Variants in ATP2C2 observed in about 807,000 individuals in gnomAD.
The protein encoded by ATP2C2 is ATPase secretory pathway Ca2+ transporting 2, also known as calcium-transporting ATPase type 2C member 2.
ATP2C2 carries 171 observed loss-of-function variants against 110.8 expected under a neutral mutation model. That is an observed-to-expected ratio of 1.54 (90% CI 1.36 to 1.75). The LOEUF (loss-of-function observed/expected upper bound fraction) is 1.75, where lower values mean the gene tolerates loss of function less well. ATP2C2 is among the 40% of genes most tolerant of loss of function. The pLI, the probability that ATP2C2 is intolerant of heterozygous loss-of-function variation, is 0.00. For synonymous variants in ATP2C2, 804 were observed against 508.4 expected (o/e 1.58, Z -7.82); for missense variants, 1,963 against 1,235.0 (o/e 1.59, Z -8.84).
chr16:84,452,134 C>T lies in ATP2C2; in HGVS notation c.1831+43C>T, dbSNP rs761454778. On this transcript the variant is annotated intron_variant, in intron 18 of 26. Coordinates refer to ENST00000262429, the MANE Select transcript of ATP2C2 (RefSeq NM_014861.4). ...GGGGGTGAGGACGAAAGGACCCATC[C>T]ATCCTTTACGATGGGGGGCTGCTAC... 7 of 1,606,080 alleles carry T rather than the reference C, an allele frequency of 4.4e-6. No individual in the cohort carries two copies. In the South Asian group the frequency reaches 7.7e-5, roughly 18 times the overall value.
At chr16:84,432,746 C>T (rs972265786) in intron 11 of ATP2C2, among the ~76,000 whole-genome samples, 4 of 152,136 alleles carry the variant, frequency 2.6e-5, no homozygotes, top group Admixed American at 2.6e-4. Flanking sequence ...ATCTCGAACT[C>T]CTGACCTCAG....
intron 7 of ATP2C2, among the ~76,000 whole-genome samples, chr16:84,417,032 C>T (rs1906900443): frequency 6.6e-6 from 1 of 152,150 alleles, no homozygotes; most frequent in Non-Finnish European, 1.5e-5. Flanking sequence ...TGGCCAATGA[C>T]CTGGGGTTGG....
intron 4 of ATP2C2, among the ~76,000 whole-genome samples, chr16:84,408,961 C>G (rs1906029453): frequency 6.6e-6 from 1 of 152,176 alleles, no homozygotes; most frequent in African/African-American, 2.4e-5. Context: ...CCACCACCAC[C>G]TCTGCCTAGT....
At chr16:84,429,447 C>T (rs1026510449) in intron 11 of ATP2C2, among the ~76,000 whole-genome samples, 1 of 152,226 alleles carries the variant, frequency 6.6e-6, no homozygotes, top group African/African-American at 2.4e-5. Flanking sequence ...GCCAGTGCTT[C>T]CAGCCTTCGT....
chr16:84,426,480 C>G (rs1022707871), intron 11 of ATP2C2, among the ~76,000 whole-genome samples: 1 of 152,090 alleles, frequency 6.6e-6, no homozygotes, highest in Admixed American at 6.6e-5. Flanking sequence ...GTCTTTCTGG[C>G]TAAGAGCAAG....
chr16:84,405,328 G>A lies in ATP2C2; in HGVS notation c.327+84G>A, dbSNP rs1905667959. On this transcript the variant is annotated intron_variant, in intron 3 of 26. Transcript: ENST00000262429. ...GCCATTCCATCTTTCAATGTTGATG[G>A]AAGGCATCCTTGGACAGCTCCCGCC... is the stretch of plus-strand genomic sequence containing the variant. 4.1e-6 allele frequency: 5 copies of A among 1,214,170 alleles called. No individual in the cohort carries two copies. In the East Asian group the frequency reaches 7.1e-5, roughly 17 times the overall value. 75.2% of individuals were successfully genotyped at this position (1,214,170 alleles called of 1,614,324 possible). A position where few individuals can be genotyped will look rare whatever the true frequency, so the allele number is the denominator to read the frequency against.
chr16:84,429,261 C>T (rs1053906095), intron 11 of ATP2C2, among the ~76,000 whole-genome samples: 3 of 152,182 alleles, frequency 2.0e-5, no homozygotes, highest in African/African-American at 7.2e-5. Context: ...ATGCAATTCT[C>T]CTGCCTCAGC....
At chr16:84,420,198 C>G (rs1907204721) in intron 7 of ATP2C2, among the ~76,000 whole-genome samples, 1 of 152,148 alleles carries the variant, frequency 6.6e-6, no homozygotes, top group South Asian at 2.1e-4. Context: ...GTGTTGGATC[C>G]AGTGCTTGTT....
At chr16:84,432,139 C>T (rs1304053698) in intron 11 of ATP2C2, among the ~76,000 whole-genome samples, 1 of 152,036 alleles carries the variant, frequency 6.6e-6, no homozygotes, top group Non-Finnish European at 1.5e-5. Context: ...GTAGGCTTTT[C>T]GGGAACAGGT....
chr16:84,422,655 C>T lies in ATP2C2; in HGVS notation c.801C>T (p.Ser267=), dbSNP rs775458854. The change falls in exon 9 of 27, where the codon AGC becomes AGT. Residue 267 remains serine, a synonymous_variant. Coordinates refer to ENST00000262429, the MANE Select transcript of ATP2C2 (RefSeq NM_014861.4). ...GQGVVIGTGE[S]SQFGEVFKMM... Reference sequence around the variant, plus strand: ...GGGTCGTGATTGGAACAGGGGAAAGCTCTCAGTTCGGAGAAGTGTTTAAGA... The same window carrying T: ...GGGTCGTGATTGGAACAGGGGAAAGTTCTCAGTTCGGAGAAGTGTTTAAGA... The T allele has an allele frequency of 3.7e-5, 60 of 1,613,464 alleles. No homozygotes were observed. The highest frequency in any genetic ancestry group is 5.1e-5 in the Non-Finnish European group (60 of 1,179,844).
chr16:84,446,163 C>G (rs1309266722), intron 15 of ATP2C2, among the ~76,000 whole-genome samples, 166 bp from the exon 16 acceptor site: 1 of 136,098 alleles, frequency 7.3e-6, no homozygotes, highest in African/African-American at 2.8e-5. Flanking sequence ...TTTTTTTTTT[C>G]TAGGTGGGAC....
At chr16:84,405,647 T>C (rs576894677) in intron 3 of ATP2C2, among the ~76,000 whole-genome samples, 100 of 152,268 alleles carry the variant, frequency 6.6e-4, no homozygotes, top group African/African-American at 2.3e-3. Context: ...AGGCTGGGCG[T>C]GGTGGCTCGT....
At chr16:84,447,005 T>C (rs1443154852) in intron 16 of ATP2C2, among the ~76,000 whole-genome samples, 1 of 152,218 alleles carries the variant, frequency 6.6e-6, no homozygotes. Flanking sequence ...GAGGAACACA[T>C]ACCAAGCTAT....
intron 11 of ATP2C2, among the ~76,000 whole-genome samples, chr16:84,430,912 C>T (rs7185633): frequency 1.3e-5 from 2 of 152,104 alleles, no homozygotes; most frequent in Non-Finnish European, 2.9e-5. Flanking sequence ...CCAACCCCCC[C>T]ACCTCAGCAG....
chr16:84,378,330 C>A (rs1910370671), intron 1 of ATP2C2, among the ~76,000 whole-genome samples: 1 of 152,138 alleles, frequency 6.6e-6, no homozygotes, highest in African/African-American at 2.4e-5. Flanking sequence ...CCCTCCGTCG[C>A]CGGCCACATG....
At chr16:84,405,646 G>A (rs948597893) in intron 3 of ATP2C2, among the ~76,000 whole-genome samples, 10 of 152,176 alleles carry the variant, frequency 6.6e-5, no homozygotes, top group Non-Finnish European at 1.0e-4. Flanking sequence ...CAGGCTGGGC[G>A]TGGTGGCTCG....
At position 84,445,758 on chromosome 16, in the gene ATP2C2, A is replaced by G. The variant is rs200936059; in HGVS notation, c.1402-571A>G. Among the ~76,000 whole-genome samples the G allele has an allele frequency of 2.9e-4, 44 of 152,318 alleles. No homozygotes were observed. The South Asian group carries it at 6.8e-3, about 24-fold the overall frequency. On this transcript the variant is annotated intron_variant, in intron 15 of 26. Coordinates refer to ENST00000262429, the MANE Select transcript of ATP2C2 (RefSeq NM_014861.4). ...TACACTGTATTGTACGCATATCTGC[A>G]CTTTCTACGTAAAAGGAGTAGTTTT...
At chr16:84,445,254 G>A (rs1481349596) in intron 15 of ATP2C2, among the ~76,000 whole-genome samples, 1 of 151,396 alleles carries the variant, frequency 6.6e-6, no homozygotes, top group Non-Finnish European at 1.5e-5. Flanking sequence ...TGTTGCCCAG[G>A]CTGGAGTGCA....
chr16:84,389,993 G>T (rs1391803779), intron 1 of ATP2C2, among the ~76,000 whole-genome samples: 2 of 152,126 alleles, frequency 1.3e-5, no homozygotes, highest in Non-Finnish European at 2.9e-5. Flanking sequence ...AAAGTGCTGG[G>T]ATTACAGGCC....
Sources: gnomAD v4.1 joint callset for allele counts (sites outside exome capture counted in the v4.1 genomes callset) on GRCh38, gnomAD v4.1.1 for gene constraint, MANE v1.5 for transcripts, NCBI Gene and HGNC (gene_info 2026-07-23, HGNC 2026-07-21) for gene names.